The following DDAH1 variants were observed in gnomAD, a reference collection of about 807,000 sequenced individuals.
The protein encoded by DDAH1 is N(G),N(G)-dimethylarginine dimethylaminohydrolase 1.
DDAH1 carries 19 observed loss-of-function variants against 28.8 expected under a neutral mutation model. The observed-to-expected ratio is 0.66, with a 90% confidence interval of 0.46 to 0.97. The LOEUF (loss-of-function observed/expected upper bound fraction) is 0.97. Among genes scored for constraint, DDAH1 ranks in the 50% least tolerant of loss-of-function variants. The pLI is 0.00. For missense variants in DDAH1, 326 were observed against 375.9 expected (o/e 0.87, Z 1.10); for synonymous variants, 153 against 154.4 (o/e 0.99, Z 0.07).
intron 1 of DDAH1, among the ~76,000 whole-genome samples, chr1:85,461,140 A>AT (rs11445983): frequency 0.11 from 16,188 of 152,098 alleles, 974 homozygotes; most frequent in African/African-American, 0.16. Context: ...GAGAAGTTGC[A>AT]TTTTTTCCCT....
At chr1:85,521,049 C>T (rs1657666313) in intron 1 of DDAH1, among the ~76,000 whole-genome samples, 1 of 152,184 alleles carries the variant, frequency 6.6e-6, no homozygotes, top group African/African-American at 2.4e-5. Flanking sequence ...GGGCCAGGTA[C>T]AGTTATTTAA....
intron 1 of DDAH1, among the ~76,000 whole-genome samples, chr1:85,401,139 G>A (rs1009605761): frequency 4.6e-5 from 7 of 152,150 alleles, no homozygotes; most frequent in East Asian, 3.9e-4. Flanking sequence ...ATTAAAAGGC[G>A]ATCTTCGTGC....
intron 4 of DDAH1, among the ~76,000 whole-genome samples, chr1:85,333,047 C>T (rs996375671): frequency 4.6e-5 from 7 of 152,212 alleles, no homozygotes; most frequent in African/African-American, 1.7e-4. Flanking sequence ...CTTGCTAACA[C>T]TGGCGCCCAC....
At chr1:85,524,859 T>A (rs1383035728) in intron 1 of DDAH1, among the ~76,000 whole-genome samples, 1 of 145,690 alleles carries the variant, frequency 6.9e-6, no homozygotes, top group African/African-American at 2.5e-5. Context: ...TGATGCATAG[T>A]TTCTTCTGTC....
chr1:85,361,030 G>A (rs1280487916), intron 1 of DDAH1, among the ~76,000 whole-genome samples: 1 of 152,182 alleles, frequency 6.6e-6, no homozygotes, highest in Non-Finnish European at 1.5e-5. Context: ...TTAAAAAATT[G>A]TAAATATCAA....
At position 85,494,875 on chromosome 1, in the gene DDAH1, G is replaced by A. The variant is rs149117704; in HGVS notation, c.-7+1291C>T. 9 of 152,294 alleles carry A rather than the reference G, an allele frequency of 5.9e-5. No individual in the cohort carries two copies. The East Asian group carries it at 1.7e-3, about 29-fold the overall frequency. 9.4% of individuals were successfully genotyped at this position (152,294 alleles called of 1,614,324 possible). ...CACAGTGAACCATAGAGTCTTGTGA[G>A]GAGATTGCTAGTCATACAAAGGCAC... On this transcript the variant is annotated intron_variant, in intron 2 of 6. Coordinates refer to the DDAH1 transcript ENST00000426972.
At chr1:85,442,888 G>A (rs1654266052) in intron 1 of DDAH1, among the ~76,000 whole-genome samples, 2 of 152,110 alleles carry the variant, frequency 1.3e-5, no homozygotes, top group Admixed American at 6.6e-5. Flanking sequence ...TTTTTTTCTT[G>A]TAAATTTGTT....
At chr1:85,576,361 C>A (rs1166979968) in intron 1 of DDAH1, among the ~76,000 whole-genome samples, 1 of 152,212 alleles carries the variant, frequency 6.6e-6, no homozygotes, top group Non-Finnish European at 1.5e-5. Flanking sequence ...TCCCCAAGGC[C>A]ACAGCCTACT....
At chr1:85,491,062 T>C (rs943102331) in intron 2 of DDAH1, among the ~76,000 whole-genome samples, 6 of 151,048 alleles carry the variant, frequency 4.0e-5, no homozygotes, top group African/African-American at 1.5e-4. Context: ...TTTTTTTTTT[T>C]TTTTGAGACA....
chr1:85,519,429 G>C (rs1179167368), intron 1 of DDAH1, among the ~76,000 whole-genome samples: 4 of 152,196 alleles, frequency 2.6e-5, no homozygotes, highest in Non-Finnish European at 4.4e-5. Context: ...TTAAGACTGA[G>C]AAGATAAATA....
chr1:85,459,362 C>T (rs1338813233), intron 1 of DDAH1, among the ~76,000 whole-genome samples: 2 of 152,184 alleles, frequency 1.3e-5, no homozygotes, highest in Non-Finnish European at 2.9e-5. Flanking sequence ...TAATAGAAGT[C>T]ACTCCCTAGT....
chr1:85,338,533 C>T (rs1648272687), intron 4 of DDAH1, among the ~76,000 whole-genome samples: 1 of 152,200 alleles, frequency 6.6e-6, no homozygotes, highest in African/African-American at 2.4e-5. Context: ...TCCCTGCCTT[C>T]ATGTAGGAAC....
At chr1:85,477,149 G>C (rs1655831887) in intron 2 of DDAH1, among the ~76,000 whole-genome samples, 2 of 152,176 alleles carry the variant, frequency 1.3e-5, no homozygotes. Flanking sequence ...TTACCAAACT[G>C]AGCCGAGCAT....
intron 1 of DDAH1, among the ~76,000 whole-genome samples, chr1:85,504,690 C>T (rs1218357961): frequency 6.6e-6 from 1 of 152,120 alleles, no homozygotes; most frequent in African/African-American, 2.4e-5. Flanking sequence ...GAAAAAATCA[C>T]AGCTTAGGAC....
intron 1 of DDAH1, among the ~76,000 whole-genome samples, chr1:85,403,459 T>G (rs1251791353): frequency 6.6e-6 from 1 of 152,196 alleles, no homozygotes; most frequent in Non-Finnish European, 1.5e-5. Flanking sequence ...TCAGGAATCT[T>G]ATTTCCAGGC....
chr1:85,572,033 G>A (rs1052694724), intron 1 of DDAH1, among the ~76,000 whole-genome samples: 4 of 152,258 alleles, frequency 2.6e-5, no homozygotes, highest in African/African-American at 9.6e-5. Flanking sequence ...ATAACCACAG[G>A]CTGTGGGAGG....
At chr1:85,395,629 A>C (rs528814178) in intron 1 of DDAH1, among the ~76,000 whole-genome samples, 1 of 151,602 alleles carries the variant, frequency 6.6e-6, no homozygotes, top group East Asian at 1.9e-4. Flanking sequence ...CTGAGATCGC[A>C]CCATTGCACT....
At chr1:85,389,421 A>G (rs2100551079) in intron 1 of DDAH1, among the ~76,000 whole-genome samples, 1 of 152,330 alleles carries the variant, frequency 6.6e-6, no homozygotes, top group African/African-American at 2.4e-5. Context: ...AGACTATCCC[A>G]TACAGAAGTC....
intron 1 of DDAH1, among the ~76,000 whole-genome samples, chr1:85,431,668 T>C (rs1653694625): frequency 6.6e-6 from 1 of 152,140 alleles, no homozygotes; most frequent in African/African-American, 2.4e-5. Context: ...CCTTCCCTTG[T>C]GCAGTAATGC....
Sources: allele counts gnomAD v4.1 joint callset (sites outside exome capture counted in the v4.1 genomes callset), GRCh38; gene constraint gnomAD v4.1.1; transcripts MANE v1.5; gene names NCBI Gene and HGNC (gene_info 2026-07-23, HGNC 2026-07-21).